The following EIPR1 variants were observed in gnomAD, a reference collection of about 807,000 sequenced individuals.
The protein encoded by EIPR1 is EARP and GARP complex-interacting protein 1.
A neutral mutation model predicts 48.1 loss-of-function variants in EIPR1; 25 were observed. The ratio of observed to expected loss-of-function variants is 0.52; its 90% CI spans 0.38 to 0.73. The LOEUF (loss-of-function observed/expected upper bound fraction) is 0.73, where lower values mean the gene tolerates loss of function less well. Ranked by LOEUF, EIPR1 falls within the 30% of genes least tolerant of loss-of-function variation. The pLI is 0.00. For synonymous variants in EIPR1, 204 were observed against 201.9 expected, an observed-to-expected ratio of 1.01 and a Z score of -0.09; for missense variants, 415 against 506.2, an observed-to-expected ratio of 0.82 and a Z score of 1.73.
Position 3,338,033 on chromosome 2 carries a change from C to G in EIPR1, c.243G>C (p.Thr81=). ...SASPADRGVL[T]TCYNRTSDSK... is the part of the protein sequence containing the mutation. Reference sequence around the variant, plus strand: ...CGCACTTACTTCTGTTGTAGCAGGTCGTCAGCACACCTCTGTCTGCAGGGC... The same window carrying G: ...CGCACTTACTTCTGTTGTAGCAGGTGGTCAGCACACCTCTGTCTGCAGGGC... Residue 81 remains threonine, a synonymous_variant, in exon 3 of 9, where the codon ACG becomes ACC. Coordinates refer to ENST00000382125, the MANE Select transcript of EIPR1 (RefSeq NM_003310.5). 6.2e-7 allele frequency: 1 copy of G among 1,602,324 alleles called. No homozygotes were observed. Among genetic ancestry groups the G allele is most frequent in the Non-Finnish European group, 8.5e-7 (1 of 1,177,328 alleles).
chr2:3,307,867 T>C (rs1002212946), intron 3 of EIPR1, among the ~76,000 whole-genome samples: 3 of 152,234 alleles, frequency 2.0e-5, no homozygotes, highest in Non-Finnish European at 4.4e-5. Context: ...AAAGGAAAGA[T>C]ATGTTAGCCA....
In EIPR1 at chr2:3,299,624, T is replaced by TCACACACACA. The variant is rs3064647; in HGVS notation, c.259+38383_259+38392dup. Reference sequence around the variant, plus strand: ...TATTTTCTCTCTCTCTCTCTCTCTCTCACACACACACACACACACACACAC... The same window carrying TCACACACACA: ...TATTTTCTCTCTCTCTCTCTCTCTCTCACACACACACACACACACACACACACACACACAC... On this transcript the variant is annotated intron_variant, in intron 3 of 8. Transcript: ENST00000382125. Among the ~76,000 whole-genome samples the TCACACACACA allele has an allele frequency of 4.5e-4, 61 of 136,804 alleles. 1 individual carries two copies. In the South Asian group the frequency reaches 7.8e-3, roughly 18 times the overall value. 89.7% of individuals were successfully genotyped at this position (136,804 alleles called of 152,430 possible).
chr2:3,189,182 T>C lies in EIPR1; in HGVS notation c.*152A>G, dbSNP rs530482895. ...GTCGACAATAGCCCCATTCACCCCATTCATAAATGCTGCTGCTACAGGAAG... is the reference window on the plus strand; with the variant it reads ...GTCGACAATAGCCCCATTCACCCCACTCATAAATGCTGCTGCTACAGGAAG... On this transcript the variant is annotated 3_prime_UTR_variant, in exon 9 of 9. Coordinates refer to ENST00000382125, the MANE Select transcript of EIPR1 (RefSeq NM_003310.5). The surrounding 1 kb of genome is among the most constrained non-coding windows in gnomAD (Gnocchi z 4.6). 5.9e-4 allele frequency: 469 copies of C among 798,978 alleles called. No individual in the cohort carries two copies. The highest frequency in any genetic ancestry group is 2.0e-3 in the Admixed American group (59 of 29,790). The allele number at this position is 798,978 out of a possible 1,614,324, so 49.5% of individuals were successfully genotyped here.
At chr2:3,292,458 C>G (rs982259007) in intron 3 of EIPR1, among the ~76,000 whole-genome samples, 1 of 151,638 alleles carries the variant, frequency 6.6e-6, no homozygotes, top group South Asian at 2.1e-4. Flanking sequence ...CATGCTGTTG[C>G]GGGGACAGCC....
chr2:3,331,168 C>A (rs1313679279), intron 3 of EIPR1, among the ~76,000 whole-genome samples: 2 of 116,834 alleles, frequency 1.7e-5, no homozygotes, highest in African/African-American at 6.6e-5. Context: ...ATGGTGTGAG[C>A]AGAGGCAGGT....
At chr2:3,361,455 A>G (rs908211137) in intron 1 of EIPR1, among the ~76,000 whole-genome samples, 1 of 151,470 alleles carries the variant, frequency 6.6e-6, no homozygotes, top group African/African-American at 2.4e-5. Flanking sequence ...TTAACAGCTC[A>G]CATGTCCCTT....
Position 3,192,409 on chromosome 2 carries a change from C to T in EIPR1, c.989+5G>A. Reference sequence around the variant, plus strand: ...CGTGAGCCACTCTGCAGTGCGTGCCCTTACTTCTCTTCAGAACGGTGGTCC... The same window carrying T: ...CGTGAGCCACTCTGCAGTGCGTGCCTTTACTTCTCTTCAGAACGGTGGTCC... On this transcript the variant is annotated splice_donor_5th_base_variant and intron_variant, in intron 8 of 8. Transcript: ENST00000382125. The T allele has an allele frequency of 6.2e-7, 1 of 1,606,994 alleles. No individual in the cohort carries two copies. The highest frequency in any genetic ancestry group is 8.5e-7 in the Non-Finnish European group (1 of 1,176,614).
At chr2:3,280,731 A>G (rs1373892887) in intron 3 of EIPR1, among the ~76,000 whole-genome samples, 1 of 152,140 alleles carries the variant, frequency 6.6e-6, no homozygotes, top group East Asian at 1.9e-4. Flanking sequence ...TATGGCTCCT[A>G]GAGGTGATGG....
At chr2:3,257,484 C>T in intron 3 of EIPR1, 29 bp from the exon 4 acceptor site, 1 of 1,611,294 alleles carries the variant, frequency 6.2e-7, no homozygotes, top group Non-Finnish European at 8.5e-7. Flanking sequence ...TGGATAATGT[C>T]AACAGAGCAC....
At chr2:3,250,716 G>A (rs1666977150) in intron 4 of EIPR1, among the ~76,000 whole-genome samples, 2 of 152,310 alleles carry the variant, frequency 1.3e-5, no homozygotes, top group South Asian at 2.1e-4. Flanking sequence ...CCTCATGAAA[G>A]GCTGAGCACC....
chr2:3,225,533 A>C (rs1180344191), intron 4 of EIPR1, among the ~76,000 whole-genome samples: 1 of 152,170 alleles, frequency 6.6e-6, no homozygotes, highest in Non-Finnish European at 1.5e-5. Flanking sequence ...GGCATGCGCC[A>C]CCACGCCTGG....
In EIPR1 at chr2:3,249,162, A is replaced by T. The variant is rs1666930622; in HGVS notation, c.416+8137T>A. 2.0e-5 allele frequency among the ~76,000 whole-genome samples: 3 copies of T among 152,200 alleles called. No homozygotes were observed. The South Asian group carries it at 6.2e-4, about 31-fold the overall frequency. ...CAGAAAAAGAAAGCAAGATGAGAAA[A>T]AGTTTGGAATTTCTTAGAGACTTAT... On this transcript the variant is annotated intron_variant, in intron 4 of 8. Coordinates refer to ENST00000382125, the MANE Select transcript of EIPR1 (RefSeq NM_003310.5).
At chr2:3,375,387 TTA>T (rs1659840523) in intron 1 of EIPR1, among the ~76,000 whole-genome samples, 1 of 142,450 alleles carries the variant, frequency 7.0e-6, no homozygotes, top group Non-Finnish European at 1.6e-5. Context: ...TAATAATAAT[TTA>T]AAAAAAAAAG....
At chr2:3,318,048 C>CA (rs1315544474) in intron 3 of EIPR1, among the ~76,000 whole-genome samples, 7 of 152,264 alleles carry the variant, frequency 4.6e-5, no homozygotes, top group African/African-American at 1.4e-4. Context: ...CTCAAGGTCA[C>CA]ACCTGCTTCC....
intron 2 of EIPR1, among the ~76,000 whole-genome samples, chr2:3,353,872 A>G (rs1670651990): frequency 6.6e-6 from 1 of 152,226 alleles, no homozygotes; most frequent in Non-Finnish European, 1.5e-5. Context: ...GCCGGACAGA[A>G]GCCCTAGACC....
At chr2:3,283,531 C>T (rs1014294965) in intron 3 of EIPR1, among the ~76,000 whole-genome samples, 5 of 132,786 alleles carry the variant, frequency 3.8e-5, no homozygotes, top group Admixed American at 2.9e-4. Context: ...TGATGCACCA[C>T]GTTCACACCC....
intron 1 of EIPR1, among the ~76,000 whole-genome samples, chr2:3,356,853 G>A (rs1009031652): frequency 6.6e-6 from 1 of 152,214 alleles, no homozygotes; most frequent in Non-Finnish European, 1.5e-5. Flanking sequence ...GAACTAAACT[G>A]AAAGGAAAAC....
intron 5 of EIPR1, among the ~76,000 whole-genome samples, chr2:3,201,957 G>A (rs1665050338): frequency 6.6e-6 from 1 of 151,902 alleles, no homozygotes; most frequent in South Asian, 2.1e-4. Flanking sequence ...TATTTTTTGA[G>A]ACGGAGTCTC....
rs1558263223 is a variant in EIPR1 at position 3,269,308 on chromosome 2, GCACTCAGTCATCGCACTCAATCATCATCA to G, written c.260-11882_260-11854del. 2.3e-4 allele frequency among the ~76,000 whole-genome samples: 28 copies of G among 121,554 alleles called. 2 individuals carry two copies. Among genetic ancestry groups the G allele is most frequent in the African/African-American group, 8.2e-4 (26 of 31,894 alleles). The allele number at this position is 121,554 out of a possible 152,430, so 79.7% of individuals were successfully genotyped here. Reference sequence around the variant, plus strand: ...CACTCAGTCATGGCACTCAGTCATCGCACTCAGTCATCGCACTCAATCATCATCACACTCAGTCATCGCACTCAGTCATC... The same window carrying G: ...CACTCAGTCATGGCACTCAGTCATCGCACTCAGTCATCGCACTCAGTCATC... On this transcript the variant is annotated intron_variant, in intron 3 of 8. Coordinates refer to ENST00000382125, the MANE Select transcript of EIPR1 (RefSeq NM_003310.5).
Sources: allele counts gnomAD v4.1 joint callset (sites outside exome capture counted in the v4.1 genomes callset), GRCh38; gene constraint gnomAD v4.1.1; non-coding constraint Gnocchi (gnomAD v3.1); transcripts MANE v1.5; gene names NCBI Gene and HGNC (gene_info 2026-07-23, HGNC 2026-07-21).